ABI3BP: variants seen among roughly 807,000 people sequenced by gnomAD.
The protein encoded by ABI3BP is ABI family member 3 binding protein.
In ABI3BP, 216 loss-of-function variants were observed where a neutral mutation model predicts 268.6. The observed-to-expected ratio is 0.80, with a 90% CI of 0.72 to 0.90. The LOEUF is 0.90. Among genes scored for constraint, ABI3BP ranks in the 40% least tolerant of loss-of-function variants. ABI3BP has a pLI of 0.00. For missense variants in ABI3BP, 2,090 were observed against 2,182.4 expected (o/e 0.96, Z 0.84); for synonymous variants, 730 against 730.0 (o/e 1.00, Z 0.00).
At chr3:100,840,008 T>C in intron 23 of ABI3BP, 64 bp downstream of exon 23, 9 of 1,380,442 alleles carry the variant, frequency 6.5e-6, no homozygotes, top group Non-Finnish European at 8.9e-6. Flanking sequence ...AAGTAGCTGA[T>C]ATCAAACCAG....
chr3:100,841,220 TTTTTTTTG>T (rs1378020442), intron 21 of ABI3BP, among the ~76,000 whole-genome samples: 13 of 119,560 alleles, frequency 1.1e-4, no homozygotes, highest in Admixed American at 3.7e-4. Context: ...TTTTTTTTTT[TTTTTTTTG>T]CTCTTTTGAA....
chr3:100,752,901 A>G lies in ABI3BP; in HGVS notation c.5008T>C (p.Tyr1670His), dbSNP rs765584400. The G allele has an allele frequency of 6.2e-7, 1 of 1,613,506 alleles. No homozygotes were observed. The stretch of plus-strand genomic sequence containing the variant: ...TATTGTTTGCCCTTACACTCTGAGT[A>G]AGAGTCTGAATTAAAGGGTCTTTCA... Reference protein sequence around the residue: ...WTERPFNSDSYSECKGKQYVK... With the variant: ...WTERPFNSDSHSECKGKQYVK... Residue 1670 changes from tyrosine to histidine, a missense_variant, in exon 66 of 68, where the codon TAC becomes CAC. By Grantham distance (83) the Tyr-to-His change is moderately conservative. Coordinates refer to ENST00000471714, the MANE Select transcript of ABI3BP (RefSeq NM_001375547.2).
chr3:100,794,501 A>T (rs2097286794), intron 54 of ABI3BP, among the ~76,000 whole-genome samples: 1 of 151,938 alleles, frequency 6.6e-6, no homozygotes, highest in South Asian at 2.1e-4. Context: ...CCTCTTTAAA[A>T]GTTTCTTGTT....
intron 20 of ABI3BP, among the ~76,000 whole-genome samples, chr3:100,845,845 C>T (rs1580235264): frequency 3.5e-5 from 5 of 140,914 alleles, no homozygotes; most frequent in African/African-American, 5.2e-5. Context: ...CAAAAGCAGC[C>T]TTTTTTTTTT....
intron 2 of ABI3BP, among the ~76,000 whole-genome samples, chr3:100,922,110 G>A (rs2576373): frequency 1 from 152,333 of 152,372 alleles, 76,147 homozygotes; most frequent in Non-Finnish European, 1. Flanking sequence ...TTTTTTCCAT[G>A]AAGAAATAAA....
chr3:100,766,699 A>G (rs1447237118), intron 62 of ABI3BP, among the ~76,000 whole-genome samples: 1 of 152,184 alleles, frequency 6.6e-6, no homozygotes, highest in East Asian at 1.9e-4. Context: ...TGCCATTTAC[A>G]CATTTGTTCA....
At position 100,820,213 on chromosome 3, in the gene ABI3BP, A is replaced by G; in HGVS notation, c.3031+7T>C. 6.5e-7 allele frequency: 1 copy of G among 1,535,114 alleles called. No individual in the cohort carries two copies. Among genetic ancestry groups the G allele is most frequent in the Non-Finnish European group, 8.7e-7 (1 of 1,146,192 alleles). On this transcript the variant is annotated splice_region_variant and intron_variant, in intron 40 of 67. Coordinates refer to ENST00000471714, the MANE Select transcript of ABI3BP (RefSeq NM_001375547.2). ...ATGAGCTACTTTAACCAGAAACCCA[A>G]ATTTACCCAGTTTGGTTTGAGGAAC... is the stretch of plus-strand genomic sequence containing the variant.
intron 1 of ABI3BP, among the ~76,000 whole-genome samples, chr3:100,930,415 C>G (rs2063230654): frequency 6.6e-6 from 1 of 151,920 alleles, no homozygotes; most frequent in Non-Finnish European, 1.5e-5. Flanking sequence ...ATGGTGGTTT[C>G]TAATCCTTTG....
intron 1 of ABI3BP, among the ~76,000 whole-genome samples, chr3:100,974,743 G>A (rs962175086): frequency 6.6e-6 from 1 of 152,148 alleles, no homozygotes. Flanking sequence ...CTTTTATGGT[G>A]TGTTTAAACC....
chr3:100,838,437 GT>G lies in ABI3BP; in HGVS notation c.1972del (p.Thr658ProfsTer51). On this transcript the variant is annotated frameshift_variant, in exon 25 of 68. Transcript: ENST00000471714. LOFTEE classifies it high-confidence loss of function. Reference sequence around the variant, plus strand: ...TTGAGGTGCATCTGGTCTGTGTGTGGTTTTAGGTCTCTCAGATGGTTTTGAG... The same window carrying G: ...TTGAGGTGCATCTGGTCTGTGTGTGGTTTAGGTCTCTCAGATGGTTTTGAG... The part of the protein sequence containing the change: ...TASKPSERPK[T>X]THRPDAPQIQ... The G allele has an allele frequency of 6.5e-7, 1 of 1,535,770 alleles. No individual in the cohort carries two copies.
chr3:100,775,216 C>T lies in ABI3BP; in HGVS notation c.4453G>A (p.Glu1485Lys). 2 of 1,612,828 alleles carry T rather than the reference C, an allele frequency of 1.2e-6. No individual in the cohort carries two copies. Among genetic ancestry groups the T allele is most frequent in the South Asian group, 2.2e-5 (2 of 90,704 alleles). ...TGATGGCCATACGAACCCAGTTCTT[C>T]TCCAGAGGCAGGAACTGTTGGTTGC... The part of the protein sequence containing the change: ...IKQPTVPASG[E>K]ELENITDFSS... The change falls in exon 60 of 68, where the codon GAA (glutamate) becomes AAA (lysine). Residue 1485 changes from glutamate (E) to lysine (K), a missense_variant. Transcript: ENST00000471714.
intron 1 of ABI3BP, among the ~76,000 whole-genome samples, chr3:100,986,822 C>T (rs2091897228): frequency 6.6e-6 from 1 of 152,114 alleles, no homozygotes; most frequent in Admixed American, 6.5e-5. Flanking sequence ...TTTATAAACA[C>T]TTAGCATTAA....
chr3:100,782,765 G>C (rs2096907934), intron 57 of ABI3BP, among the ~76,000 whole-genome samples: 1 of 152,094 alleles, frequency 6.6e-6, no homozygotes, highest in African/African-American at 2.4e-5. Flanking sequence ...TAAGAGAAAG[G>C]AGAAAATCAG....
chr3:100,791,048 C>T lies in ABI3BP; in HGVS notation c.4025-1532G>A, dbSNP rs181378984. 2.2e-3 allele frequency among the ~76,000 whole-genome samples: 333 copies of T among 151,890 alleles called. 1 individual carries two copies. Among genetic ancestry groups the T allele is most frequent in the African/African-American group, 7.7e-3 (318 of 41,490 alleles). ...TTTAGGTTGTAACTTACTCATATAG[C>T]TCATCACCAAACAATATATGGCCTT... On this transcript the variant is annotated intron_variant, in intron 55 of 67. Coordinates refer to ENST00000471714, the MANE Select transcript of ABI3BP (RefSeq NM_001375547.2).
chr3:100,936,779 T>C (rs2153692246), intron 1 of ABI3BP, among the ~76,000 whole-genome samples: 1 of 152,288 alleles, frequency 6.6e-6, no homozygotes, highest in South Asian at 2.1e-4. Context: ...GTGTTTATAG[T>C]ATTCTCTGAT....
intron 45 of ABI3BP, 80 bp from the exon 46 acceptor site, chr3:100,812,603 G>T: frequency 1.1e-6 from 1 of 896,212 alleles, no homozygotes; most frequent in Non-Finnish European, 1.5e-6. Context: ...TCCAGTAAGT[G>T]TTCAATGTTA....
intron 1 of ABI3BP, among the ~76,000 whole-genome samples, chr3:100,974,578 G>T (rs1363868152): frequency 6.6e-6 from 1 of 152,162 alleles, no homozygotes; most frequent in African/African-American, 2.4e-5. Flanking sequence ...ATCAGTGGTT[G>T]CCAGAAACTG....
intron 55 of ABI3BP, among the ~76,000 whole-genome samples, chr3:100,791,361 C>T (rs1043815732): frequency 2.0e-5 from 3 of 151,806 alleles, no homozygotes; most frequent in Non-Finnish European, 2.9e-5. Flanking sequence ...CTCTAAAAAG[C>T]TGAAATCTTT....
intron 1 of ABI3BP, among the ~76,000 whole-genome samples, chr3:100,968,265 G>C (rs148153877): frequency 7.9e-5 from 12 of 152,126 alleles, no homozygotes; most frequent in African/African-American, 2.9e-4. Context: ...TTTTCCTAAG[G>C]GGAATAAAAT....
Sources: gnomAD v4.1 joint callset for allele counts (sites outside exome capture counted in the v4.1 genomes callset) on GRCh38, gnomAD v4.1.1 for gene constraint, MANE v1.5 for transcripts, NCBI Gene and HGNC (gene_info 2026-07-23, HGNC 2026-07-21) for gene names.